Variants in SPHKAP observed in about 807,000 individuals in gnomAD.
The protein encoded by SPHKAP is A-kinase anchor protein SPHKAP.
A neutral mutation model predicts 137.5 loss-of-function variants in SPHKAP; 67 were observed. That is an observed-to-expected ratio of 0.49 (90% CI 0.40 to 0.60). The LOEUF is 0.60. SPHKAP is among the 20% of genes least tolerant of loss of function. The probability of loss-of-function intolerance (pLI) is 0.00; values close to 1 mark genes in which losing one functional copy is unlikely to be tolerated. For synonymous variants in SPHKAP, 813 were observed against 785.3 expected (o/e 1.04, Z -0.59); for missense variants, 2,097 against 2,069.3 (o/e 1.01, Z -0.26).
chr2:228,020,385 C>T (rs1003528405), intron 6 of SPHKAP: 10 of 190,402 alleles, frequency 5.3e-5, no homozygotes, highest in Admixed American at 5.2e-4. Context: ...TACTATGCAG[C>T]CATAAAAAAA....
intron 1 of SPHKAP, among the ~76,000 whole-genome samples, chr2:228,164,310 C>T (rs1258176080): frequency 6.6e-6 from 1 of 152,180 alleles, no homozygotes; most frequent in East Asian, 1.9e-4. Context: ...GACTGAGCCA[C>T]TACTGGCTTC....
At chr2:228,024,975 C>T (rs1694979497) in intron 5 of SPHKAP, among the ~76,000 whole-genome samples, 5 of 152,110 alleles carry the variant, frequency 3.3e-5, no homozygotes, top group Admixed American at 2.0e-4. Context: ...GATTTACTAG[C>T]TTGGCTAGTT....
At chr2:228,147,593 G>C (rs1699810815) in intron 1 of SPHKAP, among the ~76,000 whole-genome samples, 1 of 152,160 alleles carries the variant, frequency 6.6e-6, no homozygotes, top group African/African-American at 2.4e-5. Flanking sequence ...GGTCCCGACT[G>C]TCACTTTTAC....
intron 3 of SPHKAP, among the ~76,000 whole-genome samples, chr2:228,082,101 T>A (rs1697382238): frequency 6.6e-6 from 1 of 152,194 alleles, no homozygotes; most frequent in African/African-American, 2.4e-5. Context: ...AAATAAATAC[T>A]CTATTTACAA....
intron 6 of SPHKAP, among the ~76,000 whole-genome samples, chr2:228,020,594 C>T (rs947813451): frequency 6.6e-6 from 1 of 152,004 alleles, no homozygotes; most frequent in Admixed American, 6.6e-5. Flanking sequence ...GGAGGGCTAG[C>T]ATTAGGAGAT....
chr2:228,041,796 G>T (rs1184122616), intron 3 of SPHKAP, among the ~76,000 whole-genome samples: 1 of 152,022 alleles, frequency 6.6e-6, no homozygotes, highest in Non-Finnish European at 1.5e-5. Context: ...TGGTCATGTG[G>T]AGCGGAGGAC....
intron 3 of SPHKAP, 39 bp downstream of exon 3, chr2:228,108,793 G>T: frequency 6.7e-7 from 1 of 1,486,908 alleles, no homozygotes; most frequent in Non-Finnish European, 9.3e-7. Context: ...CCGCTTCCCT[G>T]CTTTATCAGA....
At chr2:228,027,019 T>C (rs1695067472) in intron 4 of SPHKAP, among the ~76,000 whole-genome samples, 1 of 152,212 alleles carries the variant, frequency 6.6e-6, no homozygotes, top group Non-Finnish European at 1.5e-5. Flanking sequence ...TTCAAGTCCT[T>C]GCATACTGTC....
In SPHKAP at chr2:228,031,733, C is replaced by A. The variant is rs114445288; in HGVS notation, c.247-4190G>T. 3.5e-4 allele frequency among the ~76,000 whole-genome samples: 53 copies of A among 152,222 alleles called. 1 individual carries two copies. The East Asian group carries it at 9.5e-3, about 27-fold the overall frequency. On this transcript the variant is annotated intron_variant, in intron 3 of 11. Transcript: ENST00000392056. Reference sequence around the variant, plus strand: ...CCAAGATCTGCTGTTCTACAGCCACCGCTGTTCTGTAGCCACCGCTGCTGA... The same window carrying A: ...CCAAGATCTGCTGTTCTACAGCCACAGCTGTTCTGTAGCCACCGCTGCTGA...
At chr2:228,073,389 G>A (rs1697063787) in intron 3 of SPHKAP, among the ~76,000 whole-genome samples, 1 of 152,166 alleles carries the variant, frequency 6.6e-6, no homozygotes. Context: ...AAATACACTA[G>A]GCAGAAACGG....
At position 228,129,798 on chromosome 2, in the gene SPHKAP, C is replaced by CT. The variant is rs1196344608; in HGVS notation, c.138+2181dup. Among the ~76,000 whole-genome samples the CT allele has an allele frequency of 9.0e-3, 1,219 of 135,464 alleles. 9 individuals carry two copies. The highest frequency in any genetic ancestry group is 0.021 in the African/African-American group (766 of 37,102). The allele number at this position is 135,464 out of a possible 152,430, so 88.9% of individuals were successfully genotyped here. On this transcript the variant is annotated intron_variant, in intron 2 of 11. Transcript: ENST00000392056. ...GATTAGCTTTAGTTTTAATTTTTTT[C>CT]TTTTTTTTTTTTTTTTGAGACTGAG...
intron 11 of SPHKAP, among the ~76,000 whole-genome samples, chr2:227,987,785 C>A (rs949412036): frequency 2.0e-5 from 3 of 152,132 alleles, no homozygotes; most frequent in African/African-American, 7.2e-5. Flanking sequence ...TGTTCCCTAG[C>A]ACATACCTCC....
At chr2:228,020,235 A>C (rs907527531) in intron 6 of SPHKAP, 79 bp from the exon 7 acceptor site, 26 of 1,503,860 alleles carry the variant, frequency 1.7e-5, no homozygotes, top group Non-Finnish European at 2.3e-5. Context: ...ATTACTTTCT[A>C]AAAATAAAAC....
At chr2:228,037,425 T>C (rs1446548538) in intron 3 of SPHKAP, among the ~76,000 whole-genome samples, 1 of 152,204 alleles carries the variant, frequency 6.6e-6, no homozygotes, top group African/African-American at 2.4e-5. Context: ...TATTGGAAAC[T>C]GTAGGATATG....
At chr2:228,117,244 C>A (rs1025568015) in intron 2 of SPHKAP, among the ~76,000 whole-genome samples, 7 of 152,102 alleles carry the variant, frequency 4.6e-5, no homozygotes, top group African/African-American at 1.7e-4. Flanking sequence ...ATTTATTAGA[C>A]TCTATACTTG....
At chr2:228,009,712 C>T (rs1056444769) in intron 7 of SPHKAP, among the ~76,000 whole-genome samples, 5 of 152,104 alleles carry the variant, frequency 3.3e-5, no homozygotes, top group African/African-American at 1.2e-4. Flanking sequence ...AGTTTCAGTT[C>T]AGCTTGATAT....
intron 1 of SPHKAP, among the ~76,000 whole-genome samples, chr2:228,170,635 T>G (rs12618108): frequency 0.47 from 71,334 of 151,862 alleles, 17,049 homozygotes; most frequent in Admixed American, 0.55. Flanking sequence ...TTTAATATAG[T>G]TTTTTTAAAT....
intron 3 of SPHKAP, among the ~76,000 whole-genome samples, chr2:228,082,987 T>C (rs1439593073): frequency 6.6e-6 from 1 of 152,202 alleles, no homozygotes; most frequent in Admixed American, 6.5e-5. Context: ...GGCTCTGTGT[T>C]CACTCTGCCT....
intron 1 of SPHKAP, among the ~76,000 whole-genome samples, chr2:228,140,965 TA>T (rs1699587670): frequency 6.6e-6 from 1 of 152,186 alleles, no homozygotes; most frequent in Non-Finnish European, 1.5e-5. Context: ...TCTCTTCTGA[TA>T]AATTTCCCAG....
Sources: gnomAD v4.1 joint callset for allele counts (sites outside exome capture counted in the v4.1 genomes callset) on GRCh38, gnomAD v4.1.1 for gene constraint, MANE v1.5 for transcripts, NCBI Gene and HGNC (gene_info 2026-07-23, HGNC 2026-07-21) for gene names.